NBN: variants seen among roughly 807,000 people sequenced by gnomAD.
The protein encoded by NBN is Nijmegen breakage syndrome 1 (nibrin).
NBN carries 88 observed loss-of-function variants against 90.8 expected under a neutral mutation model. The ratio of observed to expected loss-of-function variants is 0.97; its 90% CI spans 0.82 to 1.16. NBN has a LOEUF of 1.16. Among genes scored for constraint, NBN ranks in the 50% most tolerant of loss-of-function variants. The probability of loss-of-function intolerance (pLI) is 0.00; values close to 1 mark genes in which losing one functional copy is unlikely to be tolerated. For missense variants in NBN, 894 were observed against 869.6 expected (o/e 1.03, Z -0.35); for synonymous variants, 328 against 295.1 (o/e 1.11, Z -1.14).
At chr8:89,964,747 G>T (rs1031134203) in intron 7 of NBN, among the ~76,000 whole-genome samples, 1 of 152,060 alleles carries the variant, frequency 6.6e-6, no homozygotes, top group African/African-American at 2.4e-5. Context: ...AAAGAATATA[G>T]ATCTTCCCAG....
At position 89,955,314 on chromosome 8, in the gene NBN, T is replaced by C. The variant is rs1586058203; in HGVS notation, c.1366A>G (p.Arg456Gly). The change falls in exon 10 of 16, where the codon AGA becomes GGA. Residue 456 changes from arginine (R) to glycine (G), a missense_variant. Transcript: ENST00000265433. ...TTGGTAGACGGCTGAAAGTAGTTTC[T>C]GATGGAGTTGGTCTGCTGCTGCTGA... ...ASQQQQTNSI[R>G]NYFQPSTKKR... 1 of 1,613,880 alleles carries C rather than the reference T, an allele frequency of 6.2e-7. No homozygotes were observed. The highest frequency in any genetic ancestry group is 8.5e-7 in the Non-Finnish European group (1 of 1,179,822).
At chr8:89,964,626 A>C in intron 7 of NBN, 119 bp from the exon 8 acceptor site, 1 of 1,006,516 alleles carries the variant, frequency 9.9e-7, no homozygotes, top group Non-Finnish European at 1.5e-6. Flanking sequence ...TGGTATAGAC[A>C]GAATTTCAAA....
At chr8:89,953,723 C>T in intron 10 of NBN, 32 bp from the exon 11 acceptor site, 2 of 1,544,638 alleles carry the variant, frequency 1.3e-6, no homozygotes, top group Non-Finnish European at 8.8e-7. Context: ...GAAAACAAAA[C>T]AAGAAAATGA....
At chr8:89,953,174 C>A in intron 11 of NBN, 70 bp downstream of exon 11, 1 of 1,158,322 alleles carries the variant, frequency 8.6e-7, no homozygotes, top group South Asian at 1.2e-5. Context: ...ACTGTCAATA[C>A]AAAATCGAAA....
In NBN at chr8:89,978,295, G is replaced by C. The variant is rs587782411; in HGVS notation, c.509C>G (p.Pro170Arg). The C allele has an allele frequency of 1.3e-6, 2 of 1,591,980 alleles. No individual in the cohort carries two copies. The highest frequency in any genetic ancestry group is 1.3e-5 in the African/African-American group (1 of 74,328). The change falls in exon 5 of 16, where the codon CCA becomes CGA. Residue 170 changes from proline to arginine, a missense_variant. Coordinates refer to ENST00000265433, the MANE Select transcript of NBN (RefSeq NM_002485.5). ...AGTAAAATATTCTGGCTTTACAATT[G>C]GACGTCCACAAATGAGTGCACATAT... The part of the protein sequence containing the change: ...KTICALICGR[P>R]IVKPEYFTEF...
chr8:89,969,689 C>T (rs1352937597), intron 7 of NBN, among the ~76,000 whole-genome samples: 2 of 152,190 alleles, frequency 1.3e-5, no homozygotes, highest in Non-Finnish European at 2.9e-5. Context: ...CAGTAGCTCA[C>T]GCCTGTAATC....
At chr8:89,962,550 T>G (rs538873787) in intron 8 of NBN, among the ~76,000 whole-genome samples, 1 of 152,308 alleles carries the variant, frequency 6.6e-6, no homozygotes, top group South Asian at 2.1e-4. Flanking sequence ...ATTTAAAAAG[T>G]TCCCTTGCCA....
Position 89,966,964 on chromosome 8 carries a change from G to T in NBN, c.897-2457C>A, listed in dbSNP as rs16902052. Among the ~76,000 whole-genome samples the T allele has an allele frequency of 6.7e-3, 1,026 of 152,272 alleles. 8 individuals carry two copies. Among genetic ancestry groups the T allele is most frequent in the African/African-American group, 0.022 (922 of 41,540 alleles). On this transcript the variant is annotated intron_variant, in intron 7 of 15. Transcript: ENST00000265433. ...ATCAAAATACTAGTAAAAAACATAG[G>T]TGAGTATCTTTAGCACTGACTAAAA...
chr8:89,970,242 T>C, intron 7 of NBN, 122 bp downstream of exon 7: 2 of 783,692 alleles, frequency 2.6e-6, no homozygotes, highest in East Asian at 5.4e-5. Context: ...AGAGCAAGAC[T>C]CCGTCTCAAA....
chr8:89,982,624 A>G, intron 2 of NBN, 98 bp downstream of exon 2: 2 of 1,140,722 alleles, frequency 1.8e-6, no homozygotes, highest in Non-Finnish European at 2.7e-6. Flanking sequence ...CTATAAAATG[A>G]CAAATCCTGT....
intron 12 of NBN, among the ~76,000 whole-genome samples, chr8:89,947,138 G>C (rs1810227996): frequency 6.6e-6 from 1 of 152,150 alleles, no homozygotes; most frequent in South Asian, 2.1e-4. Flanking sequence ...TAAACTTTTA[G>C]AGTTTACAAA....
chr8:89,961,949 C>CA (rs1393727727), intron 8 of NBN, among the ~76,000 whole-genome samples: 2 of 152,110 alleles, frequency 1.3e-5, no homozygotes, highest in African/African-American at 4.8e-5. Context: ...GGGACAGTCA[C>CA]AGACCTCTTG....
chr8:89,980,926 G>C (rs1239162911), intron 3 of NBN, 33 bp from the exon 4 acceptor site: 2 of 1,601,730 alleles, frequency 1.2e-6, no homozygotes, highest in Admixed American at 3.3e-5. Context: ...TAAAGTCATA[G>C]TATCAGAGTT....
chr8:89,954,155 C>T (rs13312926), intron 10 of NBN, among the ~76,000 whole-genome samples: 1 of 152,014 alleles, frequency 6.6e-6, no homozygotes, highest in African/African-American at 2.4e-5. Context: ...CTGTATACTG[C>T]AAATGCTATG....
chr8:89,941,692 T>C (rs1809956866), intron 14 of NBN, among the ~76,000 whole-genome samples: 2 of 152,194 alleles, frequency 1.3e-5, no homozygotes. Flanking sequence ...AAATAGGTAA[T>C]TTCTGGGCTT....
At chr8:89,936,087 CTTTTTTTT>C (rs35393048) in intron 15 of NBN, 6 of 280,608 alleles carry the variant, frequency 2.1e-5, no homozygotes, top group African/African-American at 9.0e-5. Flanking sequence ...TCTGTCAACA[CTTTTTTTT>C]TTTTTTTTTT....
At chr8:89,978,351 T>C in intron 4 of NBN, 28 bp from the exon 5 acceptor site, 1 of 1,561,068 alleles carries the variant, frequency 6.4e-7, no homozygotes, top group Admixed American at 1.7e-5. Context: ...TGTGAATATA[T>C]ATATTCACAT....
At chr8:89,961,783 T>C (rs1286016586) in intron 8 of NBN, among the ~76,000 whole-genome samples, 1 of 152,286 alleles carries the variant, frequency 6.6e-6, no homozygotes, top group East Asian at 1.9e-4. Flanking sequence ...GTTAAAATTT[T>C]TGAGAAAAGA....
rs587781891 is a variant in NBN at position 89,982,769 on chromosome 8, TG to T, written c.123del (p.Ser42AlafsTer7). 2.2e-5 allele frequency: 35 copies of T among 1,613,934 alleles called. No individual in the cohort carries two copies. The highest frequency in any genetic ancestry group is 3.0e-5 in the Non-Finnish European group (35 of 1,179,944). ...GCAGTTAACACAGCATGATTTCGGCTGATCGACTGATCATTTTCAATCAGAA... is the reference window on the plus strand; with the variant it reads ...GCAGTTAACACAGCATGATTTCGGCTATCGACTGATCATTTTCAATCAGAA... ...CAILIENDQS[I>X]SRNHAVLTAN... On this transcript the variant is annotated frameshift_variant, in exon 2 of 16. Coordinates refer to ENST00000265433, the MANE Select transcript of NBN (RefSeq NM_002485.5). LOFTEE classifies it high-confidence loss of function.
Sources: gnomAD v4.1 joint callset for allele counts (sites outside exome capture counted in the v4.1 genomes callset) on GRCh38, gnomAD v4.1.1 for gene constraint, MANE v1.5 for transcripts, NCBI Gene and HGNC (gene_info 2026-07-23, HGNC 2026-07-21) for gene names.